Variants in KCNIP4 observed in about 807,000 individuals in gnomAD.
KCNIP4 encodes the protein potassium voltage-gated channel interacting protein 4.
Under a neutral mutation model 34.0 loss-of-function variants are expected in KCNIP4, and 12 were observed. The observed-to-expected ratio is 0.35, with a 90% CI of 0.23 to 0.57. KCNIP4 has a LOEUF of 0.57. Ranked by LOEUF, KCNIP4 falls within the 20% of genes least tolerant of loss-of-function variation. The pLI is 0.83. For synonymous variants in KCNIP4, 124 were observed against 102.2 expected, an observed-to-expected ratio of 1.21 and a Z score of -1.29; for missense variants, 238 against 311.7, an observed-to-expected ratio of 0.76 and a Z score of 1.78.
Position 21,378,267 on chromosome 4 carries a change from G to C in KCNIP4, c.62-495558C>G, listed in dbSNP as rs559453160. Among the ~76,000 whole-genome samples the C allele has an allele frequency of 9.2e-5, 14 of 152,220 alleles. 1 individual carries two copies. Among genetic ancestry groups the C allele is most frequent in the African/African-American group, 3.4e-4 (14 of 41,526 alleles). On this transcript the variant is annotated intron_variant, in intron 1 of 8. Transcript: ENST00000382152. ...ATTTCAAGCTTTCATATATTTCACT[G>C]CCTCTTTAACAAAATGTTAGCACTA...
intron 1 of KCNIP4, among the ~76,000 whole-genome samples, chr4:21,629,022 T>C (rs1327760020): frequency 6.6e-6 from 1 of 152,120 alleles, no homozygotes; most frequent in Non-Finnish European, 1.5e-5. Flanking sequence ...ATAATAAAAT[T>C]GCATTTTCTC....
At position 21,146,031 on chromosome 4, in the gene KCNIP4, T is replaced by C. The variant is rs539411978; in HGVS notation, c.62-263322A>G. ...GTCCATCGTTCTCAGTAATTAGCTT[T>C]ACAAAGTCTATCATCGAAAATATTG... On this transcript the variant is annotated intron_variant, in intron 1 of 8. Coordinates refer to ENST00000382152, the MANE Select transcript of KCNIP4 (RefSeq NM_025221.6). 1.4e-3 allele frequency among the ~76,000 whole-genome samples: 209 copies of C among 152,326 alleles called. 2 individuals carry two copies. Among genetic ancestry groups the C allele is most frequent in the African/African-American group, 4.5e-3 (189 of 41,582 alleles).
chr4:20,851,238 G>A (rs903290149), intron 2 of KCNIP4, among the ~76,000 whole-genome samples: 4 of 152,096 alleles, frequency 2.6e-5, no homozygotes, highest in Admixed American at 2.0e-4. Context: ...CAGTGTCCAT[G>A]TGTTCTCATC....
chr4:21,457,960 C>T (rs1729104564), intron 1 of KCNIP4, among the ~76,000 whole-genome samples: 1 of 152,002 alleles, frequency 6.6e-6, no homozygotes. Flanking sequence ...CATCTTATTC[C>T]CTGTGAATCC....
intron 1 of KCNIP4, among the ~76,000 whole-genome samples, chr4:21,541,751 C>A (rs894065873): frequency 2.6e-5 from 4 of 152,078 alleles, no homozygotes; most frequent in African/African-American, 9.7e-5. Context: ...AAGTGATCCT[C>A]CTGTATAAGC....
intron 2 of KCNIP4, among the ~76,000 whole-genome samples, chr4:20,851,077 A>C (rs1372349584): frequency 6.6e-6 from 1 of 152,120 alleles, no homozygotes. Context: ...CATGTGCAGG[A>C]TGTGCAGGTT....
intron 1 of KCNIP4, among the ~76,000 whole-genome samples, chr4:20,973,960 AAT>A: frequency 6.6e-6 from 1 of 152,318 alleles, no homozygotes; most frequent in East Asian, 1.9e-4. Context: ...AGATCACTAA[AAT>A]ATATATAATA....
chr4:21,268,118 T>C (rs1761929867), intron 1 of KCNIP4, among the ~76,000 whole-genome samples: 1 of 152,218 alleles, frequency 6.6e-6, no homozygotes. Context: ...ACCCCACAGC[T>C]AAATTTTACA....
chr4:21,393,589 C>T (rs992579489), intron 1 of KCNIP4, among the ~76,000 whole-genome samples: 6 of 152,164 alleles, frequency 3.9e-5, no homozygotes, highest in African/African-American at 7.2e-5. Context: ...CACCTTGGTA[C>T]GCAAAACAAA....
At chr4:21,041,422 C>A (rs1192525590) in intron 1 of KCNIP4, among the ~76,000 whole-genome samples, 2 of 152,148 alleles carry the variant, frequency 1.3e-5, no homozygotes, top group Non-Finnish European at 2.9e-5. Context: ...CAGGCAGTTT[C>A]AAACTTAAAG....
At chr4:21,810,689 C>CAAAAAAAA (rs397992521) in intron 1 of KCNIP4, among the ~76,000 whole-genome samples, 2 of 107,578 alleles carry the variant, frequency 1.9e-5, no homozygotes, top group African/African-American at 3.3e-5. Flanking sequence ...GACTCCGTCT[C>CAAAAAAAA]AAAAAAAAAA....
intron 1 of KCNIP4, among the ~76,000 whole-genome samples, chr4:21,676,286 C>T (rs1204203948): frequency 2.6e-5 from 4 of 152,174 alleles, no homozygotes; most frequent in South Asian, 2.1e-4. Context: ...GAAATGAATG[C>T]TATCATCTTC....
intron 1 of KCNIP4, among the ~76,000 whole-genome samples, chr4:21,442,617 A>G (rs1727589228): frequency 6.6e-6 from 1 of 152,200 alleles, no homozygotes; most frequent in African/African-American, 2.4e-5. Context: ...AGCTTCTAGC[A>G]CACAATTTCC....
At chr4:21,408,456 TGA>T (rs1002693000) in intron 1 of KCNIP4, among the ~76,000 whole-genome samples, 1 of 152,130 alleles carries the variant, frequency 6.6e-6, no homozygotes, top group Admixed American at 6.6e-5. Flanking sequence ...CTAAGGATTT[TGA>T]GAGAGAGTTT....
chr4:20,744,204 C>G (rs1196640303), intron 5 of KCNIP4, among the ~76,000 whole-genome samples: 1 of 151,202 alleles, frequency 6.6e-6, no homozygotes, highest in Non-Finnish European at 1.5e-5. Context: ...AGACTGGTGA[C>G]TCCTCAAGGA....
At chr4:21,000,048 A>G (rs1395788802) in intron 1 of KCNIP4, among the ~76,000 whole-genome samples, 5 of 152,188 alleles carry the variant, frequency 3.3e-5, no homozygotes, top group African/African-American at 1.2e-4. Context: ...TGACCATTTA[A>G]AATCAGATGC....
At chr4:21,123,620 A>C (rs1439817358) in intron 1 of KCNIP4, among the ~76,000 whole-genome samples, 1 of 152,236 alleles carries the variant, frequency 6.6e-6, no homozygotes, top group Non-Finnish European at 1.5e-5. Context: ...AAACCATTAC[A>C]TGCCAAAAAT....
intron 1 of KCNIP4, among the ~76,000 whole-genome samples, chr4:21,421,552 T>C (rs1231204002): frequency 1.3e-5 from 2 of 152,300 alleles, no homozygotes; most frequent in South Asian, 2.1e-4. Context: ...ATCTCACTTA[T>C]ATGTAGAATC....
At chr4:21,856,507 A>T (rs543832036) in intron 1 of KCNIP4, among the ~76,000 whole-genome samples, 19 of 152,256 alleles carry the variant, frequency 1.2e-4, no homozygotes, top group African/African-American at 4.1e-4. Flanking sequence ...GAACAGGCGG[A>T]AGCTCCACCC....
Sources: allele counts gnomAD v4.1 joint callset (sites outside exome capture counted in the v4.1 genomes callset), GRCh38; gene constraint gnomAD v4.1.1; transcripts MANE v1.5; gene names NCBI Gene and HGNC (gene_info 2026-07-23, HGNC 2026-07-21).